Variants in WDR26 observed in about 807,000 individuals in gnomAD.
WDR26 encodes the protein WD repeat-containing protein 26.
A neutral mutation model predicts 84.1 loss-of-function variants in WDR26; 5 were observed. That is an observed-to-expected ratio of 0.06 (90% CI 0.03 to 0.13). The LOEUF is 0.13. Ranked by LOEUF, WDR26 falls within the 10% of genes least tolerant of loss-of-function variation. The probability of loss-of-function intolerance (pLI) is 1.00; values close to 1 mark genes in which losing one functional copy is unlikely to be tolerated. For missense variants in WDR26, 642 were observed against 974.9 expected (o/e 0.66, Z 4.55); for synonymous variants, 415 against 389.6 (o/e 1.07, Z -0.77).
intron 3 of WDR26, among the ~76,000 whole-genome samples, chr1:224,425,919 G>A (rs1028519863): frequency 1.3e-5 from 2 of 151,920 alleles, no homozygotes; most frequent in Non-Finnish European, 2.9e-5. Flanking sequence ...GTGCAGTGGC[G>A]TGATCTTGGC....
intron 6 of WDR26, 139 bp from the exon 7 acceptor site, chr1:224,411,704 CT>C (rs376478237): frequency 0.15 from 104,151 of 706,112 alleles, no homozygotes; most frequent in East Asian, 0.25. Context: ...ATTTGTAAAT[CT>C]TTTTTTTTTT....
At chr1:224,394,408 A>T (rs1400471639) in intron 12 of WDR26, among the ~76,000 whole-genome samples, 1 of 152,226 alleles carries the variant, frequency 6.6e-6, no homozygotes, top group Non-Finnish European at 1.5e-5. Flanking sequence ...TGACAGCTAA[A>T]CCTTTATTGG....
intron 7 of WDR26, among the ~76,000 whole-genome samples, chr1:224,407,172 A>ATATATATATATATATATATG (rs1491214480): frequency 1.3e-4 from 14 of 111,936 alleles, no homozygotes; most frequent in African/African-American, 4.4e-4. Flanking sequence ...ATATATATAT[A>ATATATATATATATATATATG]ACTCAAAAAC....
intron 8 of WDR26, among the ~76,000 whole-genome samples, chr1:224,401,602 C>T (rs529092301): frequency 1.7e-4 from 21 of 127,182 alleles, no homozygotes; most frequent in East Asian, 2.7e-4. Context: ...TGAACCCAGG[C>T]GGTGGAGGTT....
chr1:224,428,168 T>C (rs1189603652), intron 3 of WDR26, among the ~76,000 whole-genome samples: 1 of 152,232 alleles, frequency 6.6e-6, no homozygotes, highest in East Asian at 1.9e-4. Flanking sequence ...TAAATTCTGC[T>C]GTTGCTCCCC....
intron 1 of WDR26, among the ~76,000 whole-genome samples, chr1:224,432,820 C>G (rs537831186): frequency 6.6e-6 from 1 of 152,334 alleles, no homozygotes; most frequent in South Asian, 2.1e-4. Flanking sequence ...CCTCCTTCAT[C>G]AGGCACTCCC....
intron 6 of WDR26, among the ~76,000 whole-genome samples, chr1:224,412,180 T>C (rs538446335): frequency 6.6e-6 from 1 of 152,338 alleles, no homozygotes; most frequent in East Asian, 1.9e-4. Context: ...TTGTAAGAAT[T>C]AGAAATACAT....
chr1:224,392,626 C>T (rs1673158884), intron 13 of WDR26, among the ~76,000 whole-genome samples: 1 of 152,042 alleles, frequency 6.6e-6, no homozygotes, highest in Non-Finnish European at 1.5e-5. Context: ...GTTAGAATGT[C>T]AGGTAGTGAT....
intron 6 of WDR26, 139 bp from the exon 7 acceptor site, chr1:224,411,704 C>T: frequency 1.8e-5 from 13 of 727,526 alleles, no homozygotes; most frequent in Non-Finnish European, 2.2e-5. Flanking sequence ...ATTTGTAAAT[C>T]TTTTTTTTTT....
chr1:224,407,151 AATATAT>A (rs1335487396), intron 7 of WDR26, among the ~76,000 whole-genome samples: 186 of 11,878 alleles, frequency 0.016, 6 homozygotes, highest in Middle Eastern at 0.071. Context: ...AAAAAAAAAA[AATATAT>A]ATATATATAT....
chr1:224,390,618 G>A (rs1326389262), intron 13 of WDR26, among the ~76,000 whole-genome samples: 1 of 151,622 alleles, frequency 6.6e-6, no homozygotes, highest in African/African-American at 2.4e-5. Context: ...CCATTTTTTT[G>A]GGGAGGTGTA....
At chr1:224,412,718 T>C (rs1239390917) in intron 6 of WDR26, among the ~76,000 whole-genome samples, 1 of 152,250 alleles carries the variant, frequency 6.6e-6, no homozygotes, top group Non-Finnish European at 1.5e-5. Flanking sequence ...TTATCTAATA[T>C]GGTAGCCCTC....
At position 224,434,226 on chromosome 1, in the gene WDR26, GGACGAGGAC is replaced by G. The variant is rs1674528831; in HGVS notation, c.171_179del (p.Ser65_Ser67del). The G allele has an allele frequency of 3.6e-6, 5 of 1,389,930 alleles. No homozygotes were observed. The highest frequency in any genetic ancestry group is 3.0e-5 in the African/African-American group (2 of 67,326). 86.1% of individuals were successfully genotyped at this position (1,389,930 alleles called of 1,614,324 possible). A position where few individuals can be genotyped will look rare whatever the true frequency, so the allele number is the denominator to read the frequency against. On this transcript the variant is annotated inframe_deletion, in exon 1 of 14. Coordinates refer to ENST00000414423, the MANE Select transcript of WDR26 (RefSeq NM_001379403.1). Reference sequence around the variant, plus strand: ...CCACGGAGGAGGAGGAGGAGGAGGAGGACGAGGACGACGAGGACGGAGGGGAGAGGCCTG... The same window carrying G: ...CCACGGAGGAGGAGGAGGAGGAGGAGGACGAGGACGGAGGGGAGAGGCCTG...
chr1:224,398,782 C>A, intron 10 of WDR26, 107 bp downstream of exon 10: 1 of 1,408,478 alleles, frequency 7.1e-7, no homozygotes, highest in East Asian at 2.4e-5. Context: ...TCCAAATTAC[C>A]ACGCAAACCA....
At position 224,388,944 on chromosome 1, in the gene WDR26, TA is replaced by T. The variant is rs1039438773; in HGVS notation, c.*890del. The T allele has an allele frequency of 2.6e-5, 4 of 152,530 alleles. No individual in the cohort carries two copies. Among genetic ancestry groups the T allele is most frequent in the African/African-American group, 9.7e-5 (4 of 41,440 alleles). The allele number at this position is 152,530 out of a possible 1,614,324, so 9.4% of individuals were successfully genotyped here. A position where few individuals can be genotyped will look rare whatever the true frequency, so the allele number is the denominator to read the frequency against. ...TCGGGTACTGATGTTCCTTCAGGAA[TA>T]AAACAAAAGGGGGGAAATCTTCAAA... On this transcript the variant is annotated 3_prime_UTR_variant, in exon 14 of 14. Transcript: ENST00000414423.
intron 6 of WDR26, chr1:224,412,998 G>C (rs1673781551): frequency 6.3e-6 from 1 of 157,716 alleles, no homozygotes. Context: ...AGACTGGCCT[G>C]GCCAACATGG....
intron 12 of WDR26, among the ~76,000 whole-genome samples, chr1:224,396,246 T>TA (rs893363804): frequency 2.6e-5 from 4 of 152,108 alleles, no homozygotes; most frequent in Non-Finnish European, 5.9e-5. Context: ...AGTTTGGGCT[T>TA]AAAAAAAAGT....
chr1:224,433,313 C>A (rs1390824081), intron 1 of WDR26, among the ~76,000 whole-genome samples: 2 of 152,080 alleles, frequency 1.3e-5, no homozygotes, highest in Non-Finnish European at 2.9e-5. Flanking sequence ...CAGCTCTAAT[C>A]CACCCCTCCC....
intron 3 of WDR26, among the ~76,000 whole-genome samples, chr1:224,427,103 C>CTAAAAAA (rs769063024): frequency 2.2e-5 from 2 of 91,168 alleles, no homozygotes; most frequent in Non-Finnish European, 4.2e-5. Context: ...AACTCTGTCT[C>CTAAAAAA]CAAAAAAAAA....
Sources: gnomAD v4.1 joint callset for allele counts (sites outside exome capture counted in the v4.1 genomes callset) on GRCh38, gnomAD v4.1.1 for gene constraint, MANE v1.5 for transcripts, NCBI Gene and HGNC (gene_info 2026-07-23, HGNC 2026-07-21) for gene names.